The following SMG6 variants were observed in gnomAD, a reference collection of about 807,000 sequenced individuals.
The protein encoded by SMG6 is SMG6 nonsense mediated mRNA decay factor.
Under a neutral mutation model 142.2 loss-of-function variants are expected in SMG6, and 66 were observed. The observed-to-expected ratio is 0.46, with a 90% CI of 0.38 to 0.57. SMG6 has a LOEUF of 0.57. SMG6 is among the 20% of genes least tolerant of loss of function. The pLI is 0.00. For missense variants in SMG6, 1,793 were observed against 1,832.0 expected (o/e 0.98, Z 0.39); for synonymous variants, 779 against 702.4 (o/e 1.11, Z -1.72).
At chr17:2,137,936 G>A (rs904301650) in intron 13 of SMG6, among the ~76,000 whole-genome samples, 15 of 152,062 alleles carry the variant, frequency 9.9e-5, no homozygotes, top group Non-Finnish European at 2.1e-4. Flanking sequence ...TCCTCACACA[G>A]CCCTCATAAG....
At chr17:2,192,239 T>C (rs1459369825) in intron 10 of SMG6, among the ~76,000 whole-genome samples, 1 of 152,222 alleles carries the variant, frequency 6.6e-6, no homozygotes, top group Non-Finnish European at 1.5e-5. Flanking sequence ...TTCTGATCAA[T>C]TCCAGTGTTG....
chr17:2,118,864 T>C (rs1005477533), intron 13 of SMG6, among the ~76,000 whole-genome samples: 1 of 150,886 alleles, frequency 6.6e-6, no homozygotes, highest in East Asian at 1.9e-4. Flanking sequence ...GTTGAGATTA[T>C]AGGCATGGGC....
rs750323830 is a variant in SMG6, at chr17:2,081,791, C to T, written c.3681+19G>A. The T allele has an allele frequency of 5.0e-6, 8 of 1,611,614 alleles. No homozygotes were observed. The African/African-American group carries it at 9.3e-5, about 19-fold the overall frequency. ...AGCAACCCCCATAGTGGGAACCACG[C>T]TCCCCAGGCCGACTTCACCTGGATC... is the stretch of plus-strand genomic sequence containing the variant. On this transcript the variant is annotated intron_variant, in intron 15 of 18. Transcript: ENST00000263073.
chr17:2,236,294 C>T (rs1004730692), intron 10 of SMG6, among the ~76,000 whole-genome samples, 198 bp downstream of exon 10: 1 of 151,640 alleles, frequency 6.6e-6, no homozygotes, highest in Non-Finnish European at 1.5e-5. Flanking sequence ...CCTTCCATCC[C>T]ACCCAAGCAC....
At chr17:2,194,955 C>T (rs1427369141) in intron 10 of SMG6, among the ~76,000 whole-genome samples, 1 of 152,154 alleles carries the variant, frequency 6.6e-6, no homozygotes, top group Non-Finnish European at 1.5e-5. Context: ...CCCCAGGCTC[C>T]CTCCCTCTTG....
At chr17:2,160,227 A>G (rs953983560) in intron 13 of SMG6, among the ~76,000 whole-genome samples, 1 of 152,088 alleles carries the variant, frequency 6.6e-6, no homozygotes, top group African/African-American at 2.4e-5. Context: ...TTTATTTTTA[A>G]TTAATTTTTT....
intron 10 of SMG6, among the ~76,000 whole-genome samples, chr17:2,226,297 A>G (rs1317279146): frequency 6.6e-6 from 1 of 151,720 alleles, no homozygotes; most frequent in South Asian, 2.1e-4. Flanking sequence ...AAAAAAGAAA[A>G]AAAAGAGCCG....
chr17:2,203,012 T>C (rs1002614910), intron 10 of SMG6, among the ~76,000 whole-genome samples: 3 of 152,210 alleles, frequency 2.0e-5, no homozygotes, highest in African/African-American at 7.2e-5. Context: ...GGCCAAGAAA[T>C]GTCCTGGGGG....
At position 2,151,435 on chromosome 17, in the gene SMG6, AC is replaced by A. The variant is rs543877893; in HGVS notation, c.3357+21222del. ...AAAGACATGCAAATAACTGAGATTCACGAAGGCTCAGAAATTCTTCTCTGAA... is the reference window on the plus strand; with the variant it reads ...AAAGACATGCAAATAACTGAGATTCAGAAGGCTCAGAAATTCTTCTCTGAA... On this transcript the variant is annotated intron_variant, in intron 13 of 18. Coordinates refer to ENST00000263073, the MANE Select transcript of SMG6 (RefSeq NM_017575.5). Among the ~76,000 whole-genome samples, 632 of 152,314 alleles carry A rather than the reference AC, an allele frequency of 4.1e-3. 4 individuals carry two copies. The highest frequency in any genetic ancestry group is 7.2e-3 in the Non-Finnish European group (490 of 68,022).
chr17:2,189,538 CAGG>C (rs34974520), intron 10 of SMG6, among the ~76,000 whole-genome samples: 3,532 of 152,312 alleles, frequency 0.023, 144 homozygotes, highest in African/African-American at 0.081. Flanking sequence ...CTCTCTAATA[CAGG>C]AGAACTCTCA....
intron 13 of SMG6, among the ~76,000 whole-genome samples, chr17:2,122,168 G>C (rs2069722743): frequency 6.6e-6 from 1 of 152,070 alleles, no homozygotes; most frequent in Non-Finnish European, 1.5e-5. Context: ...GATAGATGGG[G>C]GAAGAGAGGG....
At chr17:2,093,723 A>G (rs760865954) in intron 13 of SMG6, among the ~76,000 whole-genome samples, 34 of 152,284 alleles carry the variant, frequency 2.2e-4, no homozygotes, top group Non-Finnish European at 4.4e-4. Flanking sequence ...TGGAGTTTGC[A>G]GTGGCGTCAT....
chr17:2,222,789 G>A (rs897875264), intron 10 of SMG6, among the ~76,000 whole-genome samples: 1 of 152,166 alleles, frequency 6.6e-6, no homozygotes, highest in Admixed American at 6.5e-5. Flanking sequence ...TTATCCACAA[G>A]GGGTATTCAG....
intron 13 of SMG6, chr17:2,087,365 C>T (rs1478396894): frequency 5.0e-6 from 6 of 1,196,480 alleles, no homozygotes; most frequent in East Asian, 5.8e-5. Context: ...CGGCACACAC[C>T]GGTCAACTGT....
rs549831312 is a variant in SMG6 at position 2,077,271 on chromosome 17, A to G, written c.3681+4539T>C. Among the ~76,000 whole-genome samples, 13 of 152,354 alleles carry G rather than the reference A, an allele frequency of 8.5e-5. No individual in the cohort carries two copies. The South Asian group carries it at 2.7e-3, about 32-fold the overall frequency. On this transcript the variant is annotated intron_variant, in intron 15 of 18. Transcript: ENST00000263073. ...AAGGAGTGCACAGACAATGTGGGAA[A>G]CAAGTCCAGAAATAACTGGAACATG...
intron 13 of SMG6, among the ~76,000 whole-genome samples, chr17:2,147,748 C>T (rs1230896911): frequency 6.6e-6 from 1 of 152,208 alleles, no homozygotes; most frequent in East Asian, 1.9e-4. Context: ...CAGTGCAATA[C>T]TGCTTCACAC....
intron 10 of SMG6, among the ~76,000 whole-genome samples, chr17:2,205,179 C>T (rs956085670): frequency 6.6e-6 from 1 of 152,098 alleles, no homozygotes; most frequent in African/African-American, 2.4e-5. Context: ...AGCGATTCTC[C>T]TGCATCAGCC....
At position 2,128,214 on chromosome 17, in the gene SMG6, G is replaced by A. The variant is rs182755249; in HGVS notation, c.3358-42313C>T. 4.6e-5 allele frequency among the ~76,000 whole-genome samples: 7 copies of A among 152,360 alleles called. No homozygotes were observed. The East Asian group carries it at 1.2e-3, about 25-fold the overall frequency. On this transcript the variant is annotated intron_variant, in intron 13 of 18. Transcript: ENST00000263073. ...CAGTGGGGCGGCATACCCAAGGCAC[G>A]AGTGCTCCCAGTCCCCAGGCTGCCG...
intron 13 of SMG6, among the ~76,000 whole-genome samples, chr17:2,168,607 A>G (rs893755933): frequency 1.3e-5 from 2 of 152,136 alleles, no homozygotes; most frequent in African/African-American, 4.8e-5. Context: ...CTCTTTTACA[A>G]AATTTGAAGG....
Sources: allele counts gnomAD v4.1 joint callset (sites outside exome capture counted in the v4.1 genomes callset), GRCh38; gene constraint gnomAD v4.1.1; transcripts MANE v1.5; gene names NCBI Gene and HGNC (gene_info 2026-07-23, HGNC 2026-07-21).